DLGAP1: variants seen among roughly 807,000 people sequenced by gnomAD.
DLGAP1 encodes disks large-associated protein 1.
A neutral mutation model predicts 90.8 loss-of-function variants in DLGAP1; 11 were observed. The observed-to-expected ratio is 0.12, with a 90% CI of 0.08 to 0.20. DLGAP1 has a LOEUF of 0.20. DLGAP1 is among the 10% of genes least tolerant of loss of function. The pLI, the probability that DLGAP1 is intolerant of heterozygous loss-of-function variation, is 1.00. For missense variants in DLGAP1, 1,050 were observed against 1,333.8 expected (o/e 0.79, Z 3.31); for synonymous variants, 558 against 540.7 (o/e 1.03, Z -0.44).
intron 1 of DLGAP1, among the ~76,000 whole-genome samples, chr18:4,402,125 T>C (rs1226177365): frequency 6.6e-6 from 1 of 152,194 alleles, no homozygotes; most frequent in Non-Finnish European, 1.5e-5. Context: ...CAGAGAACAC[T>C]AAAATATATC....
intron 2 of DLGAP1, among the ~76,000 whole-genome samples, chr18:4,126,382 C>A (rs1199776433): frequency 6.6e-6 from 1 of 152,174 alleles, no homozygotes; most frequent in Non-Finnish European, 1.5e-5. Context: ...CAGGAAAATA[C>A]AAAGCTTGTT....
intron 7 of DLGAP1, among the ~76,000 whole-genome samples, chr18:3,670,318 T>G (rs905406869): frequency 1.1e-4 from 17 of 151,510 alleles, no homozygotes; most frequent in African/African-American, 4.2e-4. Flanking sequence ...AAACATATAT[T>G]CATTTTCAAG....
chr18:3,568,095 T>C (rs957540163), intron 8 of DLGAP1, among the ~76,000 whole-genome samples: 4 of 152,066 alleles, frequency 2.6e-5, no homozygotes, highest in African/African-American at 9.7e-5. Context: ...GACAGGTTTT[T>C]GCCAAGTTGG....
intron 7 of DLGAP1, among the ~76,000 whole-genome samples, chr18:3,627,629 T>A (rs1005894019): frequency 6.6e-6 from 1 of 152,090 alleles, no homozygotes; most frequent in African/African-American, 2.4e-5. Flanking sequence ...TCTTGTAATA[T>A]AATATTTAGT....
chr18:3,683,371 A>G (rs1475377841), intron 7 of DLGAP1, among the ~76,000 whole-genome samples: 1 of 152,246 alleles, frequency 6.6e-6, no homozygotes, highest in African/African-American at 2.4e-5. Context: ...CCAACAATAT[A>G]TAAGCAAGAA....
intron 2 of DLGAP1, among the ~76,000 whole-genome samples, chr18:4,095,453 G>GA (rs199967259): frequency 0.011 from 1,648 of 152,246 alleles, 31 homozygotes; most frequent in South Asian, 0.043. Flanking sequence ...TCTGGAAACA[G>GA]GACAAATTGT....
At chr18:4,058,661 T>C (rs1359608179) in intron 2 of DLGAP1, among the ~76,000 whole-genome samples, 1 of 152,250 alleles carries the variant, frequency 6.6e-6, no homozygotes, top group Non-Finnish European at 1.5e-5. Flanking sequence ...CATTCCTCTC[T>C]TGAATCCAAC....
intron 2 of DLGAP1, among the ~76,000 whole-genome samples, chr18:4,025,405 G>T (rs2074683094): frequency 6.6e-6 from 1 of 152,014 alleles, no homozygotes; most frequent in African/African-American, 2.4e-5. Context: ...CTGGTAAGTG[G>T]AATGCAAATA....
At chr18:3,876,651 G>A (rs1365116750) in intron 4 of DLGAP1, among the ~76,000 whole-genome samples, 3 of 152,206 alleles carry the variant, frequency 2.0e-5, no homozygotes, top group African/African-American at 7.2e-5. Flanking sequence ...ATATGAGTGT[G>A]TCTGTGATCC....
At chr18:4,349,253 A>C (rs1431504856) in intron 1 of DLGAP1, among the ~76,000 whole-genome samples, 2 of 152,160 alleles carry the variant, frequency 1.3e-5, no homozygotes, top group African/African-American at 4.8e-5. Flanking sequence ...TTTAATCATG[A>C]ACAAACATCA....
chr18:3,834,305 CAAA>C (rs35630074), intron 4 of DLGAP1, among the ~76,000 whole-genome samples: 4 of 33,160 alleles, frequency 1.2e-4, no homozygotes, highest in Non-Finnish European at 2.4e-4. Context: ...GACTCTGTCT[CAAA>C]AAAAAAAAAA....
chr18:4,401,573 G>T (rs1419878660), intron 1 of DLGAP1, among the ~76,000 whole-genome samples: 3 of 152,090 alleles, frequency 2.0e-5, no homozygotes, highest in Admixed American at 2.0e-4. Context: ...GCAGCATCTG[G>T]AGATCTTCTT....
At chr18:4,269,501 C>A (rs1338996377) in intron 1 of DLGAP1, among the ~76,000 whole-genome samples, 1 of 151,650 alleles carries the variant, frequency 6.6e-6, no homozygotes. Context: ...CTACAGGAGC[C>A]CACCACCATG....
At chr18:4,285,677 C>T (rs1036382630) in intron 1 of DLGAP1, among the ~76,000 whole-genome samples, 7 of 152,186 alleles carry the variant, frequency 4.6e-5, no homozygotes, top group East Asian at 1.9e-4. Context: ...ATACAGAAAT[C>T]GGCAGTGAGG....
At chr18:4,040,537 C>G (rs1415614244) in intron 2 of DLGAP1, among the ~76,000 whole-genome samples, 1 of 152,116 alleles carries the variant, frequency 6.6e-6, no homozygotes. Context: ...TTCATTTTCA[C>G]AATGTGGTAG....
At chr18:3,575,386 T>C (rs1010697361) in intron 8 of DLGAP1, among the ~76,000 whole-genome samples, 2 of 152,230 alleles carry the variant, frequency 1.3e-5, no homozygotes, top group African/African-American at 4.8e-5. Flanking sequence ...GCTGTTCTTT[T>C]CATCTGTTTT....
intron 7 of DLGAP1, among the ~76,000 whole-genome samples, chr18:3,691,021 G>C (rs2060875385): frequency 6.6e-6 from 1 of 152,198 alleles, no homozygotes; most frequent in Non-Finnish European, 1.5e-5. Flanking sequence ...TGTATATAAG[G>C]GTCTGGTTTA....
At chr18:3,510,262 A>G (rs1431100614) in intron 10 of DLGAP1, among the ~76,000 whole-genome samples, 1 of 152,182 alleles carries the variant, frequency 6.6e-6, no homozygotes, top group Non-Finnish European at 1.5e-5. Context: ...AATGGTACCT[A>G]TCTGGAGGGT....
At chr18:4,192,888 G>A (rs2077427433) in intron 1 of DLGAP1, among the ~76,000 whole-genome samples, 1 of 152,166 alleles carries the variant, frequency 6.6e-6, no homozygotes, top group Admixed American at 6.5e-5. Flanking sequence ...TGGAAGAGAG[G>A]CAAAGACAGG....
Sources: gnomAD v4.1 joint callset for allele counts (sites outside exome capture counted in the v4.1 genomes callset) on GRCh38, gnomAD v4.1.1 for gene constraint, MANE v1.5 for transcripts, NCBI Gene and HGNC (gene_info 2026-07-23, HGNC 2026-07-21) for gene names.